IQCM: variants seen among roughly 807,000 people sequenced by gnomAD.
IQCM encodes the protein IQ domain-containing protein M.
IQCM carries 45 observed loss-of-function variants against 57.6 expected under a neutral mutation model. The observed-to-expected ratio is 0.78, with a 90% confidence interval of 0.62 to 1.00. IQCM has a LOEUF of 1.00. Ranked by LOEUF, IQCM falls within the 50% of genes least tolerant of loss-of-function variation. The pLI is 0.00. For synonymous variants in IQCM, 148 were observed against 158.9 expected, an observed-to-expected ratio of 0.93 and a Z score of 0.51; for missense variants, 468 against 511.6, an observed-to-expected ratio of 0.91 and a Z score of 0.82.
intron 7 of IQCM, among the ~76,000 whole-genome samples, chr4:149,678,002 G>A (rs1761894854): frequency 1.3e-5 from 2 of 151,620 alleles, no homozygotes; most frequent in Non-Finnish European, 2.9e-5. Flanking sequence ...AAAAAAGAAT[G>A]AAAAGCAAGA....
At chr4:149,706,446 C>T (rs569354464) in intron 5 of IQCM, among the ~76,000 whole-genome samples, 1 of 151,948 alleles carries the variant, frequency 6.6e-6, no homozygotes, top group Non-Finnish European at 1.5e-5. Context: ...TGTGCTTTCT[C>T]TAGATTGCCA....
At chr4:149,749,853 GC>G (rs1283591076) in intron 2 of IQCM, among the ~76,000 whole-genome samples, 1 of 151,986 alleles carries the variant, frequency 6.6e-6, no homozygotes, top group African/African-American at 2.4e-5. Context: ...TTTGGTAAAA[GC>G]CACCAAGATC....
At chr4:149,622,356 T>A (rs1756418060) in intron 7 of IQCM, among the ~76,000 whole-genome samples, 3 of 151,510 alleles carry the variant, frequency 2.0e-5, no homozygotes, top group Non-Finnish European at 4.4e-5. Flanking sequence ...TTTATTTTTT[T>A]TTTGGAGACG....
chr4:149,405,311 A>G (rs987493549), intron 13 of IQCM, among the ~76,000 whole-genome samples: 33 of 151,332 alleles, frequency 2.2e-4, no homozygotes, highest in African/African-American at 7.8e-4. Flanking sequence ...CATTTTAAAC[A>G]CTTTTCTTGG....
intron 7 of IQCM, among the ~76,000 whole-genome samples, chr4:149,675,106 A>G (rs1165124503): frequency 2.0e-5 from 3 of 152,086 alleles, no homozygotes; most frequent in African/African-American, 7.2e-5. Context: ...AAAAGAGCTC[A>G]AGGAGTAGAA....
At chr4:149,804,072 G>A (rs1280017804) in intron 2 of IQCM, among the ~76,000 whole-genome samples, 1 of 151,914 alleles carries the variant, frequency 6.6e-6, no homozygotes, top group Admixed American at 6.6e-5. Context: ...GGAGGCTGGA[G>A]TTGAGTATTT....
At chr4:149,631,239 C>G (rs1180918228) in intron 7 of IQCM, among the ~76,000 whole-genome samples, 1 of 152,150 alleles carries the variant, frequency 6.6e-6, no homozygotes, top group Non-Finnish European at 1.5e-5. Flanking sequence ...CTATCGGACT[C>G]TTGCTCCCGG....
chr4:149,802,134 C>A (rs1425057961), intron 2 of IQCM, among the ~76,000 whole-genome samples: 3 of 151,636 alleles, frequency 2.0e-5, no homozygotes, highest in Admixed American at 1.3e-4. Flanking sequence ...TAAGTGGCAG[C>A]CAATATGTAA....
chr4:149,461,609 G>A (rs964110912), intron 12 of IQCM, among the ~76,000 whole-genome samples: 1 of 148,664 alleles, frequency 6.7e-6, no homozygotes, highest in African/African-American at 2.5e-5. Flanking sequence ...AGCTGTGATT[G>A]TGCCACTGTA....
intron 8 of IQCM, among the ~76,000 whole-genome samples, chr4:149,602,693 A>G (rs986886724): frequency 5.3e-5 from 8 of 152,102 alleles, no homozygotes; most frequent in African/African-American, 1.7e-4. Flanking sequence ...AAATAATGTA[A>G]TAAATTTTTA....
chr4:149,422,112 T>C (rs1051664838), intron 13 of IQCM, among the ~76,000 whole-genome samples: 7 of 151,976 alleles, frequency 4.6e-5, no homozygotes, highest in Non-Finnish European at 8.8e-5. Flanking sequence ...AAAGTCATCA[T>C]TCTCCCCTAG....
At chr4:149,360,461 T>C (rs1017268125) in intron 13 of IQCM, among the ~76,000 whole-genome samples, 1 of 152,150 alleles carries the variant, frequency 6.6e-6, no homozygotes. Flanking sequence ...CAATTCTCTG[T>C]GTATACCAAG....
At chr4:149,406,124 T>C (rs898045174) in intron 13 of IQCM, among the ~76,000 whole-genome samples, 2 of 151,906 alleles carry the variant, frequency 1.3e-5, no homozygotes, top group African/African-American at 4.8e-5. Flanking sequence ...GAAGAAAATA[T>C]CATTCCCATT....
At chr4:149,364,756 A>G (rs1729720669) in intron 13 of IQCM, among the ~76,000 whole-genome samples, 1 of 152,190 alleles carries the variant, frequency 6.6e-6, no homozygotes, top group South Asian at 2.1e-4. Flanking sequence ...AAAAGAAGTC[A>G]GTCTGATTAC....
chr4:149,450,015 AG>A (rs1736933704), intron 12 of IQCM, among the ~76,000 whole-genome samples: 1 of 151,946 alleles, frequency 6.6e-6, no homozygotes, highest in Non-Finnish European at 1.5e-5. Context: ...ACAGACACAT[AG>A]ACCAATGGAA....
chr4:149,535,879 G>A lies in IQCM; in HGVS notation c.1228+12576C>T, dbSNP rs565554920. On this transcript the variant is annotated intron_variant, in intron 12 of 13. Coordinates refer to ENST00000636793, the MANE Select transcript of IQCM (RefSeq NM_001363507.2). ...CTTTCACTAGCCATGATGATTCCCAGAGGCTTTAATAGGCTTTACACAGCT... is the reference window on the plus strand; with the variant it reads ...CTTTCACTAGCCATGATGATTCCCAAAGGCTTTAATAGGCTTTACACAGCT... 2.0e-5 allele frequency among the ~76,000 whole-genome samples: 3 copies of A among 152,136 alleles called. No individual in the cohort carries two copies. In the South Asian group the frequency reaches 6.2e-4, roughly 31 times the overall value.
At chr4:149,640,971 A>C (rs534801936) in intron 7 of IQCM, among the ~76,000 whole-genome samples, 19 of 152,064 alleles carry the variant, frequency 1.2e-4, no homozygotes, top group Non-Finnish European at 2.4e-4. Context: ...CCACACCAAA[A>C]ATACAAAAAT....
chr4:149,444,764 T>C (rs1342515992), intron 12 of IQCM, among the ~76,000 whole-genome samples: 1 of 151,678 alleles, frequency 6.6e-6, no homozygotes, highest in Non-Finnish European at 1.5e-5. Context: ...ACATAGCAAA[T>C]TGAGAGAAGA....
chr4:149,660,546 A>G (rs1422739393), intron 7 of IQCM, among the ~76,000 whole-genome samples: 5 of 152,218 alleles, frequency 3.3e-5, no homozygotes, highest in South Asian at 2.1e-4. Context: ...TGTTTATTGC[A>G]GCACTATTCA....
Sources: allele counts gnomAD v4.1 joint callset (sites outside exome capture counted in the v4.1 genomes callset), GRCh38; gene constraint gnomAD v4.1.1; transcripts MANE v1.5; gene names NCBI Gene and HGNC (gene_info 2026-07-23, HGNC 2026-07-21).